Variants in CCDC136 observed in about 807,000 individuals in gnomAD.
CCDC136 encodes coiled-coil domain containing 136.
CCDC136 carries 100 observed loss-of-function variants against 141.2 expected under a neutral mutation model. The ratio of observed to expected loss-of-function variants is 0.71; its 90% CI spans 0.60 to 0.84. The LOEUF (loss-of-function observed/expected upper bound fraction) is 0.84, where lower values mean the gene tolerates loss of function less well. Among genes scored for constraint, CCDC136 ranks in the 40% least tolerant of loss-of-function variants. The pLI is 0.00. For missense variants in CCDC136, 1,206 were observed against 1,379.4 expected, an observed-to-expected ratio of 0.87 and a Z score of 1.99; for synonymous variants, 474 against 531.9, an observed-to-expected ratio of 0.89 and a Z score of 1.50.
intron 3 of CCDC136, among the ~76,000 whole-genome samples, chr7:128,797,372 A>T (rs568408847): frequency 6.6e-5 from 10 of 152,360 alleles, no homozygotes; most frequent in Admixed American, 3.9e-4. Context: ...CATGGGAAAT[A>T]ATGGTGCAGT....
chr7:128,816,458 A>C lies in CCDC136; in HGVS notation c.3363+527A>C, dbSNP rs77657120. On this transcript the variant is annotated intron_variant, in intron 16 of 17. Transcript: ENST00000297788. ...CCCTGGATTCTGTATATCACAGGAC[A>C]TGAAGGTGGGGCCTGGAAGTGATCA... 3.5e-3 allele frequency among the ~76,000 whole-genome samples: 539 copies of C among 152,260 alleles called. 6 individuals carry two copies. The highest frequency in any genetic ancestry group is 0.026 in the East Asian group (135 of 5,188).
chr7:128,805,966 A>G lies in CCDC136; in HGVS notation c.1089+65A>G. On this transcript the variant is annotated intron_variant, in intron 7 of 17. Coordinates refer to ENST00000297788, the MANE Select transcript of CCDC136 (RefSeq NM_022742.5). The surrounding 1 kb of genome is among the most constrained non-coding windows in gnomAD (Gnocchi z 4.6). ...AGGGCCTCATGGAGGGGCTGCTTCA[A>G]CCGGGGTGGGCACAGTGAGTATGGC... is the stretch of plus-strand genomic sequence containing the variant. 4 of 1,582,880 alleles carry G rather than the reference A, an allele frequency of 2.5e-6. No homozygotes were observed. Among genetic ancestry groups the G allele is most frequent in the Non-Finnish European group, 3.5e-6 (4 of 1,156,076 alleles).
intron 3 of CCDC136, among the ~76,000 whole-genome samples, chr7:128,799,259 G>A (rs1042120731): frequency 1.2e-4 from 18 of 149,376 alleles, no homozygotes; most frequent in Admixed American, 1.1e-3. Flanking sequence ...AGGGAGGATT[G>A]CTTGAGCCCA....
chr7:128,810,061 G>T, intron 11 of CCDC136, 78 bp from the exon 12 acceptor site: 1 of 836,594 alleles, frequency 1.2e-6, no homozygotes. Flanking sequence ...TCACAACGGG[G>T]ATGAGGCACC....
intron 15 of CCDC136, 102 bp downstream of exon 15, chr7:128,815,021 A>G: frequency 9.5e-7 from 1 of 1,051,110 alleles, no homozygotes; most frequent in Non-Finnish European, 1.3e-6. Flanking sequence ...GGATTTGTAG[A>G]GAAGCTTCTG....
chr7:128,806,662 A>G (rs1479539219), intron 8 of CCDC136, 26 bp from the exon 9 acceptor site: 1 of 1,597,566 alleles, frequency 6.3e-7, no homozygotes, highest in East Asian at 2.2e-5. Context: ...GCCCAAAGGC[A>G]CTGCCCAAAG....
chr7:128,799,060 G>A (rs1019829822), intron 3 of CCDC136, among the ~76,000 whole-genome samples: 15 of 151,532 alleles, frequency 9.9e-5, no homozygotes, highest in Non-Finnish European at 1.6e-4. Flanking sequence ...ACAGGGCCAG[G>A]TGTGGTGGCT....
intron 17 of CCDC136, among the ~76,000 whole-genome samples, chr7:128,820,648 G>C (rs980995925): frequency 6.6e-6 from 1 of 152,202 alleles, no homozygotes; most frequent in African/African-American, 2.4e-5. Flanking sequence ...ACCGAGGCTA[G>C]AGTGCAGCGG....
upstream of CCDC136, chr7:128,791,727 C>T: frequency 2.3e-6 from 1 of 436,954 alleles, no homozygotes; most frequent in Middle Eastern, 3.1e-4. The surrounding 1 kb of genome is among the most constrained non-coding windows in gnomAD (Gnocchi z 7.1). Context: ...CGGCCTGGGA[C>T]TGAGGCTTCC....
upstream of CCDC136, chr7:128,791,826 A>C (rs1802208378): frequency 2.6e-6 from 1 of 382,076 alleles, no homozygotes; most frequent in Non-Finnish European, 4.6e-6. This position sits in a 1 kb window ranked among gnomAD's most constrained non-coding sequence, Gnocchi z 7.1. Flanking sequence ...GGGACTGCAG[A>C]CCCTACACCT....
upstream of CCDC136, chr7:128,791,878 G>A: frequency 2.3e-6 from 1 of 427,630 alleles, no homozygotes; most frequent in Non-Finnish European, 3.7e-6. The surrounding 1 kb of genome is among the most constrained non-coding windows in gnomAD (Gnocchi z 7.1). Flanking sequence ...CGAGGGTGGG[G>A]TGGGCAAGGT....
rs1370419554 is a variant in CCDC136 at position 128,817,730 on chromosome 7, GCTT to G, written c.3364-24_3364-22del. 1 of 1,476,768 alleles carries G rather than the reference GCTT, an allele frequency of 6.8e-7. No homozygotes were observed. The highest frequency in any genetic ancestry group is 9.5e-7 in the Non-Finnish European group (1 of 1,055,120). The allele number at this position is 1,476,768 out of a possible 1,614,324, so 91.5% of individuals were successfully genotyped here. On this transcript the variant is annotated intron_variant, in intron 16 of 17. Coordinates refer to ENST00000297788, the MANE Select transcript of CCDC136 (RefSeq NM_022742.5). This position sits in a 1 kb window ranked among gnomAD's most constrained non-coding sequence, Gnocchi z 4.6. Reference sequence around the variant, plus strand: ...CTCACATCTCCTGGTCTCTCCTCGTGCTTCTTTCTCATTTTGGTGTGTTGCAGT... The same window carrying G: ...CTCACATCTCCTGGTCTCTCCTCGTGCTTTCTCATTTTGGTGTGTTGCAGT...
At chr7:128,796,739 A>ATATATATATATATATATAT in intron 3 of CCDC136, among the ~76,000 whole-genome samples, 7 of 113,380 alleles carry the variant, frequency 6.2e-5, no homozygotes, top group African/African-American at 2.8e-4. Flanking sequence ...ATATATATAT[A>ATATATATATATATATATAT]TTCTTTTTTT....
Position 128,792,178 on chromosome 7 carries a change from G to A in CCDC136, c.-234G>A. On this transcript the variant is annotated 5_prime_UTR_variant, in exon 1 of 18. Coordinates refer to ENST00000297788, the MANE Select transcript of CCDC136 (RefSeq NM_022742.5). ...GCCGAGAGAGAGGAGTCGCAGAGCC[G>A]CCAGAGTGAGTCAGGCACCTCCACT... 2 of 1,447,160 alleles carry A rather than the reference G, an allele frequency of 1.4e-6. No individual in the cohort carries two copies. The highest frequency in any genetic ancestry group is 1.8e-6 in the Non-Finnish European group (2 of 1,107,020). 89.6% of individuals were successfully genotyped at this position (1,447,160 alleles called of 1,614,324 possible). A position where few individuals can be genotyped will look rare whatever the true frequency, so the allele number is the denominator to read the frequency against.
chr7:128,809,599 G>C lies in CCDC136; in HGVS notation c.1755G>C (p.Leu585=), dbSNP rs1405402380. 6.4e-7 allele frequency: 1 copy of C among 1,563,810 alleles called. No homozygotes were observed. The highest frequency in any genetic ancestry group is 1.9e-5 in the Admixed American group (1 of 52,852). ...AGCAGGGCCAGCTGCAGGAAGAGCT[G>C]CACAGGCTCACACTGCCACTGCCAA... The part of the protein sequence containing the change: ...QEEQGQLQEE[L]HRLTLPLPKS... The change falls in exon 11 of 18, where the codon CTG becomes CTC. Residue 585 remains leucine, a synonymous_variant. Coordinates refer to ENST00000297788, the MANE Select transcript of CCDC136 (RefSeq NM_022742.5).
In CCDC136 at chr7:128,809,658, A is replaced by G; in HGVS notation, c.1800+14A>G. 1.3e-6 allele frequency: 2 copies of G among 1,491,144 alleles called. No individual in the cohort carries two copies. Among genetic ancestry groups the G allele is most frequent in the South Asian group, 1.3e-5 (1 of 74,246 alleles). 92.4% of individuals were successfully genotyped at this position (1,491,144 alleles called of 1,614,324 possible). A position where few individuals can be genotyped will look rare whatever the true frequency, so the allele number is the denominator to read the frequency against. ...CTCTTACTCAAGGTAACTCTGCCAC[A>G]GGCAGCTGCTAACTGCGGGGAAGCT... On this transcript the variant is annotated intron_variant, in intron 11 of 17. Transcript: ENST00000297788.
chr7:128,814,503 G>T, intron 14 of CCDC136, 135 bp from the exon 15 acceptor site: 1 of 576,824 alleles, frequency 1.7e-6, no homozygotes, highest in Non-Finnish European at 2.9e-6. Context: ...TTTCTTTATT[G>T]TCTACTTCCT....
rs969694641 is a variant in CCDC136, at chr7:128,817,508, G to A, written c.3364-250G>A. Among the ~76,000 whole-genome samples the A allele has an allele frequency of 1.4e-4, 21 of 152,058 alleles. No homozygotes were observed. The highest frequency in any genetic ancestry group is 3.1e-4 in the Non-Finnish European group (21 of 68,014). On this transcript the variant is annotated intron_variant, in intron 16 of 17. Coordinates refer to ENST00000297788, the MANE Select transcript of CCDC136 (RefSeq NM_022742.5). The surrounding 1 kb of genome is among the most constrained non-coding windows in gnomAD (Gnocchi z 4.6). The stretch of plus-strand genomic sequence containing the variant: ...AGACAGAAAGAAAACTGGACTCACC[G>A]CCTGACTTGGACCTAGCTGCTGCTT...
upstream of CCDC136, chr7:128,791,958 T>A: frequency 5.4e-6 from 5 of 930,112 alleles, no homozygotes; most frequent in African/African-American, 3.5e-5. This position sits in a 1 kb window ranked among gnomAD's most constrained non-coding sequence, Gnocchi z 7.1. Context: ...CGCCCCCCAC[T>A]CCTCCCTCCC....
Sources: gnomAD v4.1 joint callset for allele counts (sites outside exome capture counted in the v4.1 genomes callset) on GRCh38, gnomAD v4.1.1 for gene constraint, Gnocchi (gnomAD v3.1) non-coding constraint, MANE v1.5 for transcripts, NCBI Gene and HGNC (gene_info 2026-07-23, HGNC 2026-07-21) for gene names.